Variants in SSC4D observed in about 807,000 individuals in gnomAD.
SSC4D encodes scavenger receptor cysteine rich family member with 4 domains, also known as scavenger receptor cysteine-rich domain-containing group B protein.
A neutral mutation model predicts 63.4 loss-of-function variants in SSC4D; 57 were observed. The observed-to-expected ratio is 0.90, with a 90% CI of 0.73 to 1.12. SSC4D has a LOEUF of 1.12. Among genes scored for constraint, SSC4D ranks in the 50% most tolerant of loss-of-function variants. The pLI, the probability that SSC4D is intolerant of heterozygous loss-of-function variation, is 0.00. For missense variants in SSC4D, 791 were observed against 806.4 expected, an observed-to-expected ratio of 0.98 and a Z score of 0.23; for synonymous variants, 352 against 345.4, an observed-to-expected ratio of 1.02 and a Z score of -0.21.
Position 76,391,986 on chromosome 7 carries a change from C to T in SSC4D, c.1389G>A (p.Val463=). The change falls in exon 10 of 11, where the codon GTG becomes GTA. Residue 463 remains valine, a synonymous_variant. Coordinates refer to ENST00000275560, the MANE Select transcript of SSC4D (RefSeq NM_080744.2). ...VQQDGSETTR[V]PTPRPRDGHL... ...TACCGTCCCTGGGCCGAGGAGTGGG[C>T]ACCCGCGTGGTCTCAGAACCATCCT... The T allele has an allele frequency of 1.3e-6, 2 of 1,595,178 alleles. No individual in the cohort carries two copies. The highest frequency in any genetic ancestry group is 2.3e-5 in the South Asian group (2 of 87,924).
Position 76,397,806 on chromosome 7 carries a change from C to A in SSC4D, c.580G>T (p.Gly194Cys). The A allele has an allele frequency of 6.3e-7, 1 of 1,597,634 alleles. No homozygotes were observed. Among genetic ancestry groups the A allele is most frequent in the East Asian group, 2.3e-5 (1 of 44,364 alleles). Reference sequence around the variant, plus strand: ...ACTCGGCCCTGACACAGGTTCGCGCCCCCTACCAGGCGTACGCTGCCCTCA... The same window carrying A: ...ACTCGGCCCTGACACAGGTTCGCGCACCCTACCAGGCGTACGCTGCCCTCA... ...KSEGSVRLVG[G>C]ANLCQGRVEI... Residue 194 changes from glycine (G) to cysteine (C), a missense_variant, in exon 6 of 11, where the codon GGC (glycine) becomes TGC (cysteine). Coordinates refer to ENST00000275560, the MANE Select transcript of SSC4D (RefSeq NM_080744.2).
At chr7:76,390,771 C>T (rs1470023152) in intron 10 of SSC4D, among the ~76,000 whole-genome samples, 2 of 151,786 alleles carry the variant, frequency 1.3e-5, no homozygotes, top group Non-Finnish European at 2.9e-5. Flanking sequence ...GAGCCGAGAT[C>T]GTGCCACTGC....
chr7:76,399,883 C>T (rs1037940063), intron 4 of SSC4D, among the ~76,000 whole-genome samples: 4 of 152,064 alleles, frequency 2.6e-5, no homozygotes, highest in Admixed American at 2.6e-4. Flanking sequence ...ACCTGTAGTT[C>T]CAGCTACTGA....
intron 1 of SSC4D, among the ~76,000 whole-genome samples, chr7:76,405,313 A>ATATG (rs1380527133): frequency 4.1e-4 from 14 of 34,362 alleles, no homozygotes; most frequent in East Asian, 1.1e-3. Flanking sequence ...ATATATATAT[A>ATATG]TATGTATTTT....
rs79167760 is a variant in SSC4D at position 76,395,308 on chromosome 7, T to C, written c.891A>G (p.Thr297=). The change falls in exon 7 of 11, where the codon ACA becomes ACG. Residue 297 remains threonine, a synonymous_variant. Transcript: ENST00000275560. The part of the protein sequence containing the change: ...LCAGLGPPTL[T]ALPSSATRED... Reference sequence around the variant, plus strand: ...CTCTTGTGGCTGAGGATGGCAGTGCTGTGAGCGTTGGGGGACCCAGGCCTA... The same window carrying C: ...CTCTTGTGGCTGAGGATGGCAGTGCCGTGAGCGTTGGGGGACCCAGGCCTA... 9.5e-4 allele frequency: 1,532 copies of C among 1,613,866 alleles called. 9 individuals carry two copies. The African/African-American group carries it at 0.013, about 14-fold the overall frequency.
chr7:76,395,123 C>T (rs750471877), intron 7 of SSC4D, 130 bp downstream of exon 7: 4 of 1,014,730 alleles, frequency 3.9e-6, no homozygotes, highest in Admixed American at 2.0e-5. Context: ...TCACCCACCT[C>T]TGCACCATCT....
Position 76,389,959 on chromosome 7 carries a change from G to T in SSC4D, c.*100C>A. On this transcript the variant is annotated 3_prime_UTR_variant, in exon 11 of 11. Transcript: ENST00000275560. ...GCTCTCTCCCAGGCAAGGGAAGGAGGGGCAAAGTGAACTGTAGTCATCACA... is the reference window on the plus strand; with the variant it reads ...GCTCTCTCCCAGGCAAGGGAAGGAGTGGCAAAGTGAACTGTAGTCATCACA... The T allele has an allele frequency of 6.7e-7, 1 of 1,496,678 alleles. No homozygotes were observed. The highest frequency in any genetic ancestry group is 9.2e-7 in the Non-Finnish European group (1 of 1,091,030). 92.7% of individuals were successfully genotyped at this position (1,496,678 alleles called of 1,614,324 possible). A position where few individuals can be genotyped will look rare whatever the true frequency, so the allele number is the denominator to read the frequency against.
chr7:76,389,906 C>A lies in SSC4D; in HGVS notation c.*153G>T. On this transcript the variant is annotated 3_prime_UTR_variant, in exon 11 of 11. Coordinates refer to ENST00000275560, the MANE Select transcript of SSC4D (RefSeq NM_080744.2). Reference sequence around the variant, plus strand: ...GTGGACGGGGGTACAGCCAGGCTCCCCCAAGCAGGACTGCACTGTCTAGGT... The same window carrying A: ...GTGGACGGGGGTACAGCCAGGCTCCACCAAGCAGGACTGCACTGTCTAGGT... 1.0e-6 allele frequency: 1 copy of A among 962,676 alleles called. No individual in the cohort carries two copies. The highest frequency in any genetic ancestry group is 2.6e-5 in the East Asian group (1 of 38,780). The allele number at this position is 962,676 out of a possible 1,614,324, so 59.6% of individuals were successfully genotyped here.
intron 2 of SSC4D, among the ~76,000 whole-genome samples, chr7:76,403,781 C>T (rs1804906659): frequency 6.6e-6 from 1 of 152,056 alleles, no homozygotes; most frequent in Non-Finnish European, 1.5e-5. Flanking sequence ...CCTGCCTCAG[C>T]CTCCTGAGTA....
At chr7:76,400,760 G>A (rs1402491951) in intron 3 of SSC4D, among the ~76,000 whole-genome samples, 169 bp from the exon 4 acceptor site, 1 of 152,126 alleles carries the variant, frequency 6.6e-6, no homozygotes, top group African/African-American at 2.4e-5. Context: ...CTCCTGCCTT[G>A]GCCTCCCAAA....
At chr7:76,400,694 G>T in intron 3 of SSC4D, 103 bp from the exon 4 acceptor site, 1 of 1,275,336 alleles carries the variant, frequency 7.8e-7, no homozygotes, top group South Asian at 1.7e-5. Flanking sequence ...TTTTGGTAGA[G>T]ACGGGGTCTC....
intron 9 of SSC4D, among the ~76,000 whole-genome samples, chr7:76,392,856 T>G (rs1193537549): frequency 6.6e-6 from 1 of 151,534 alleles, no homozygotes; most frequent in Non-Finnish European, 1.5e-5. Flanking sequence ...AACAGAACCC[T>G]CTGTGGCCAA....
At chr7:76,393,202 A>G (rs576507688) in intron 9 of SSC4D, among the ~76,000 whole-genome samples, 15 of 151,508 alleles carry the variant, frequency 9.9e-5, no homozygotes, top group Non-Finnish European at 1.6e-4. Flanking sequence ...CCCATTTTCC[A>G]CTGCAGAAGG....
In SSC4D at chr7:76,390,159, C is replaced by G. The variant is rs77743816; in HGVS notation, c.1628G>C (p.Arg543Pro). ...GAGCAGCAGAGCACTTTCTTCCCCACGGCACTTGACATTGTCCAGGAGAAT... is the reference window on the plus strand; with the variant it reads ...GAGCAGCAGAGCACTTTCTTCCCCAGGGCACTTGACATTGTCCAGGAGAAT... ...GPILLDNVKC[R>P]GEESALLLCS... Residue 543 changes from arginine to proline, a missense_variant, in exon 11 of 11, where the codon CGT (arginine) becomes CCT (proline). Arg to Pro is a moderately radical substitution (Grantham distance 103). Coordinates refer to ENST00000275560, the MANE Select transcript of SSC4D (RefSeq NM_080744.2). 8 of 1,614,128 alleles carry G rather than the reference C, an allele frequency of 5.0e-6. No individual in the cohort carries two copies. The African/African-American group carries it at 1.1e-4, about 22-fold the overall frequency.
At chr7:76,394,747 TAATATA>T (rs1309669492) in intron 7 of SSC4D, among the ~76,000 whole-genome samples, 2 of 97,322 alleles carry the variant, frequency 2.1e-5, no homozygotes, top group African/African-American at 9.5e-5. Flanking sequence ...TATGTATGTA[TAATATA>T]TATATATATA....
At position 76,392,015 on chromosome 7, in the gene SSC4D, G is replaced by A; in HGVS notation, c.1360C>T (p.Gln454Ter). The A allele has an allele frequency of 6.3e-7, 1 of 1,584,324 alleles. No individual in the cohort carries two copies. The highest frequency in any genetic ancestry group is 8.6e-7 in the Non-Finnish European group (1 of 1,164,798). ...CGCGTGGTCTCAGAACCATCCTGCT[G>A]GACTTGCAGTCCCAGCTCCTCTGGG... ...AGPEELGLQV[Q>*]QDGSETTRVP... Residue 454 changes from glutamine (Q) to a stop codon, truncating the protein, a stop_gained, in exon 10 of 11, where the codon CAG (glutamine) becomes TAG (stop). Transcript: ENST00000275560. LOFTEE classifies it high-confidence loss of function.
At chr7:76,401,821 C>T (rs904043864) in intron 2 of SSC4D, among the ~76,000 whole-genome samples, 3 of 152,198 alleles carry the variant, frequency 2.0e-5, no homozygotes, top group African/African-American at 7.2e-5. Flanking sequence ...CTGGACACCA[C>T]ATACCCAGGC....
chr7:76,404,408 G>A lies in SSC4D; in HGVS notation c.32C>T (p.Pro11Leu). The A allele has an allele frequency of 6.2e-7, 1 of 1,614,016 alleles. No individual in the cohort carries two copies. Among genetic ancestry groups the A allele is most frequent in the Admixed American group, 1.7e-5 (1 of 60,002 alleles). MHKEAEMLIG[P>L]QLDEKRWGWR... ...CCCCCAGCGCTTCTCATCCAGCTGG[G>A]GACCAATTAGCATCTCTGCTTCCTT... The change falls in exon 2 of 11, where the codon CCC (proline) becomes CTC (leucine). Residue 11 changes from proline to leucine, a missense_variant. Coordinates refer to ENST00000275560, the MANE Select transcript of SSC4D (RefSeq NM_080744.2).
Position 76,409,652 on chromosome 7 carries a change from G to A in SSC4D, c.-305C>T, listed in dbSNP as rs905203444. 4 of 152,454 alleles carry A rather than the reference G, an allele frequency of 2.6e-5. No homozygotes were observed. Among genetic ancestry groups the A allele is most frequent in the African/African-American group, 9.6e-5 (4 of 41,470 alleles). 9.4% of individuals were successfully genotyped at this position (152,454 alleles called of 1,614,324 possible). ...GACCTTAGGGACAGCAAGAAGCAAA[G>A]GGGAGTGGAGGTGGCCGGCACCAGC... On this transcript the variant is annotated 5_prime_UTR_variant, in exon 1 of 11. Coordinates refer to ENST00000275560, the MANE Select transcript of SSC4D (RefSeq NM_080744.2).
Sources: allele counts gnomAD v4.1 joint callset (sites outside exome capture counted in the v4.1 genomes callset), GRCh38; gene constraint gnomAD v4.1.1; transcripts MANE v1.5; gene names NCBI Gene and HGNC (gene_info 2026-07-23, HGNC 2026-07-21).